RGS6: variants seen among roughly 807,000 people sequenced by gnomAD.
The protein encoded by RGS6 is regulator of G-protein signaling 6.
In RGS6, 30 loss-of-function variants were observed where a neutral mutation model predicts 78.5. That is an observed-to-expected ratio of 0.38 (90% CI 0.29 to 0.52). RGS6 has a LOEUF of 0.52. Among genes scored for constraint, RGS6 ranks in the 20% least tolerant of loss-of-function variants. The pLI, the probability that RGS6 is intolerant of heterozygous loss-of-function variation, is 0.85. For missense variants in RGS6, 495 were observed against 609.7 expected, an observed-to-expected ratio of 0.81 and a Z score of 1.98; for synonymous variants, 206 against 206.0, an observed-to-expected ratio of 1.00 and a Z score of 0.00.
At chr14:72,593,969 C>T in the RGS6 span, among the ~76,000 whole-genome samples, 6 of 149,568 alleles carry the variant, frequency 4.0e-5, no homozygotes, top group Non-Finnish European at 7.4e-5. Flanking sequence ...GGGGTGGGGG[C>T]GATTTTCCTA....
chr14:72,362,700 T>G (rs1024521811), intron 3 of RGS6, among the ~76,000 whole-genome samples: 14 of 152,210 alleles, frequency 9.2e-5, no homozygotes, highest in Admixed American at 8.5e-4. Context: ...GCTCCAGAAC[T>G]CATACAATGT....
upstream of RGS6, among the ~76,000 whole-genome samples, chr14:71,929,514 G>T (rs1227169228): frequency 6.6e-6 from 1 of 152,156 alleles, no homozygotes; most frequent in Non-Finnish European, 1.5e-5. Context: ...AATTTTACCA[G>T]TCGATTAAGA....
At chr14:72,395,999 G>T (rs1394112084) in intron 3 of RGS6, among the ~76,000 whole-genome samples, 1 of 152,194 alleles carries the variant, frequency 6.6e-6, no homozygotes, top group East Asian at 1.9e-4. Context: ...ACATACGTGA[G>T]CATGTGTCTT....
intron 3 of RGS6, among the ~76,000 whole-genome samples, chr14:72,362,386 A>C (rs1596286643): frequency 2.0e-5 from 3 of 152,378 alleles, no homozygotes; most frequent in African/African-American, 7.2e-5. Flanking sequence ...ATAATTGCTT[A>C]CAACTACAGT....
At chr14:72,242,770 T>C (rs1303024417) in intron 2 of RGS6, among the ~76,000 whole-genome samples, 1 of 151,830 alleles carries the variant, frequency 6.6e-6, no homozygotes, top group African/African-American at 2.4e-5. Flanking sequence ...GGGTGAATAG[T>C]AGTTGTGATT....
intron 2 of RGS6, among the ~76,000 whole-genome samples, chr14:71,985,736 T>A (rs968272054): frequency 6.6e-5 from 10 of 152,200 alleles, no homozygotes; most frequent in African/African-American, 1.9e-4. Context: ...TGCTTGGCTT[T>A]GCAACACCAT....
At chr14:71,962,444 A>G (rs1479917484) in intron 1 of RGS6, among the ~76,000 whole-genome samples, 1 of 152,246 alleles carries the variant, frequency 6.6e-6, no homozygotes, top group African/African-American at 2.4e-5. Context: ...AAACGTCTCT[A>G]TTACATGGAT....
chr14:71,885,245 C>T, the RGS6 span, among the ~76,000 whole-genome samples: 515 of 152,232 alleles, frequency 3.4e-3, 5 homozygotes, highest in African/African-American at 0.011. Context: ...TCTACTCCGT[C>T]GACACTAAAG....
intron 2 of RGS6, among the ~76,000 whole-genome samples, chr14:72,141,691 A>C (rs2096541557): frequency 6.6e-6 from 1 of 151,714 alleles, no homozygotes. Flanking sequence ...TGCCTGGTGC[A>C]CTCTTTAATA....
chr14:72,140,632 T>A (rs2096526698), intron 2 of RGS6, among the ~76,000 whole-genome samples: 1 of 152,204 alleles, frequency 6.6e-6, no homozygotes. Context: ...GTTACAGAGT[T>A]AAAGCTGGGT....
chr14:72,540,315 T>A lies in RGS6; in HGVS notation c.1422+221T>A. The A allele has an allele frequency of 5.4e-6, 8 of 1,482,398 alleles. No homozygotes were observed. In the South Asian group the frequency reaches 8.3e-5, roughly 15 times the overall value. 91.8% of individuals were successfully genotyped at this position (1,482,398 alleles called of 1,614,324 possible). ...AGCAAGCGGCTCCCTCTGCAGAAGG[T>A]GCACCCTTGATCGCCCAGCCTCAGG... On this transcript the variant is annotated intron_variant, in intron 17 of 17. Transcript: ENST00000553525.
At chr14:72,292,279 T>G (rs115042957) in intron 2 of RGS6, among the ~76,000 whole-genome samples, 1,571 of 152,314 alleles carry the variant, frequency 0.01, 24 homozygotes, top group African/African-American at 0.032. Context: ...CCCTCTCTTC[T>G]GGCACAGTGG....
chr14:72,549,869 CA>C (rs1005363483), intron 17 of RGS6, among the ~76,000 whole-genome samples: 2 of 152,240 alleles, frequency 1.3e-5, no homozygotes, highest in South Asian at 4.1e-4. Context: ...CCCCATCCCA[CA>C]AAAAACCCCC....
chr14:72,132,225 A>T lies in RGS6; in HGVS notation c.84+167350A>T, dbSNP rs183424520. Among the ~76,000 whole-genome samples, 11 of 151,698 alleles carry T rather than the reference A, an allele frequency of 7.3e-5. No individual in the cohort carries two copies. The East Asian group carries it at 2.1e-3, about 29-fold the overall frequency. ...GGTACCAGGCACTATATTTGGTTCT[A>T]GTGTTCCAAAGGAAGTAGACAATCC... is the stretch of plus-strand genomic sequence containing the variant. On this transcript the variant is annotated intron_variant, in intron 2 of 17. Transcript: ENST00000553525.
intron 2 of RGS6, among the ~76,000 whole-genome samples, chr14:72,098,350 C>A (rs186218636): frequency 6.6e-5 from 10 of 152,310 alleles, no homozygotes; most frequent in Admixed American, 2.0e-4. Context: ...TTTCTCTGTC[C>A]CCTGAAAGGG....
At chr14:72,415,167 T>TTGA (rs1053039649) in intron 3 of RGS6, among the ~76,000 whole-genome samples, 27 of 152,260 alleles carry the variant, frequency 1.8e-4, no homozygotes, top group Non-Finnish European at 3.1e-4. Context: ...GCAGGCCTCC[T>TTGA]TGAGCTGTGG....
At chr14:72,122,641 A>T (rs2096077227) in intron 2 of RGS6, among the ~76,000 whole-genome samples, 1 of 152,078 alleles carries the variant, frequency 6.6e-6, no homozygotes, top group Non-Finnish European at 1.5e-5. Flanking sequence ...TTAGATTCTT[A>T]AATAAGAGCA....
At chr14:72,022,567 A>G (rs990258051) in intron 2 of RGS6, 3 of 152,198 alleles carry the variant, frequency 2.0e-5, no homozygotes, top group African/African-American at 7.2e-5. Context: ...AGACTTTCCT[A>G]TGGTCACTTG....
the RGS6 span, among the ~76,000 whole-genome samples, chr14:71,880,434 C>A: frequency 3.9e-5 from 6 of 152,158 alleles, no homozygotes; most frequent in Admixed American, 6.5e-5. Flanking sequence ...CCCCTCCTAT[C>A]ACAGGCTCAG....
Sources: gnomAD v4.1 joint callset for allele counts (sites outside exome capture counted in the v4.1 genomes callset) on GRCh38, gnomAD v4.1.1 for gene constraint, MANE v1.5 for transcripts, NCBI Gene and HGNC (gene_info 2026-07-23, HGNC 2026-07-21) for gene names.